Variants in LAMA1 observed in about 807,000 individuals in gnomAD.
The protein encoded by LAMA1 is laminin subunit alpha-1.
A neutral mutation model predicts 348.7 loss-of-function variants in LAMA1; 219 were observed. That is an observed-to-expected ratio of 0.63 (90% CI 0.56 to 0.70). The LOEUF is 0.70. Ranked by LOEUF, LAMA1 falls within the 30% of genes least tolerant of loss-of-function variation. LAMA1 has a pLI of 0.00. For missense variants in LAMA1, 3,744 were observed against 3,888.0 expected, an observed-to-expected ratio of 0.96 and a Z score of 0.99; for synonymous variants, 1,487 against 1,491.0, an observed-to-expected ratio of 1.00 and a Z score of 0.06.
chr18:7,103,504 C>T (rs2058299685), intron 1 of LAMA1, among the ~76,000 whole-genome samples: 1 of 151,672 alleles, frequency 6.6e-6, no homozygotes, highest in Non-Finnish European at 1.5e-5. Flanking sequence ...CTTCCTTGTT[C>T]CACCTTTAAA....
At chr18:7,093,592 T>C (rs892844254) in intron 1 of LAMA1, among the ~76,000 whole-genome samples, 4 of 152,118 alleles carry the variant, frequency 2.6e-5, no homozygotes, top group African/African-American at 9.7e-5. Context: ...TATGGTTCTC[T>C]GTGAGAGGTG....
chr18:7,013,233 G>C (rs369740000), intron 23 of LAMA1, among the ~76,000 whole-genome samples: 44 of 152,098 alleles, frequency 2.9e-4, no homozygotes, highest in South Asian at 2.7e-3. Context: ...ATGTACATGA[G>C]TTTTCCTTCC....
chr18:6,979,877 C>A (rs113406441), intron 42 of LAMA1, among the ~76,000 whole-genome samples: 24 of 152,234 alleles, frequency 1.6e-4, no homozygotes, highest in Middle Eastern at 6.8e-3. Flanking sequence ...CCAGCCTGGG[C>A]GACAGAGCGA....
At position 7,007,286 on chromosome 18, in the gene LAMA1, T is replaced by C; in HGVS notation, c.4123-10A>G. On this transcript the variant is annotated splice_polypyrimidine_tract_variant and intron_variant, in intron 28 of 62. Transcript: ENST00000389658. ...ACCCAGGGGCGCAGTCCTGAGGGGG[T>C]GCAAAAGGGAGGACAAAAAAGTCTG... The C allele has an allele frequency of 1.2e-6, 2 of 1,611,678 alleles. No individual in the cohort carries two copies. The highest frequency in any genetic ancestry group is 1.7e-6 in the Non-Finnish European group (2 of 1,178,604).
At chr18:7,005,746 G>GA (rs371802504) in intron 29 of LAMA1, among the ~76,000 whole-genome samples, 94 of 151,974 alleles carry the variant, frequency 6.2e-4, no homozygotes, top group African/African-American at 2.2e-3. Context: ...CCTCCATCTT[G>GA]AAAAAAATAA....
intron 25 of LAMA1, among the ~76,000 whole-genome samples, chr18:7,010,777 G>T (rs2057856105): frequency 6.6e-6 from 1 of 152,158 alleles, no homozygotes; most frequent in South Asian, 2.1e-4. Flanking sequence ...TCCAAGTGAT[G>T]CCTTTCATGA....
chr18:7,017,921 C>A (rs2057896458), intron 19 of LAMA1, among the ~76,000 whole-genome samples: 1 of 152,164 alleles, frequency 6.6e-6, no homozygotes, highest in South Asian at 2.1e-4. Flanking sequence ...TCTACAGTTA[C>A]AACATTGATG....
chr18:7,115,981 A>AC (rs2058354673), intron 1 of LAMA1, among the ~76,000 whole-genome samples: 1 of 152,052 alleles, frequency 6.6e-6, no homozygotes, highest in African/African-American at 2.4e-5. Flanking sequence ...AAAAAAAAAA[A>AC]TCAAAACTGC....
intron 35 of LAMA1, among the ~76,000 whole-genome samples, 168 bp downstream of exon 35, chr18:6,993,473 A>G (rs972456025): frequency 6.6e-6 from 1 of 152,238 alleles, no homozygotes; most frequent in Non-Finnish European, 1.5e-5. Context: ...TAAAACTCTC[A>G]GTCAAAGACT....
chr18:6,970,843 C>T (rs2057655170), intron 48 of LAMA1, among the ~76,000 whole-genome samples: 2 of 152,146 alleles, frequency 1.3e-5, no homozygotes, highest in South Asian at 4.1e-4. Flanking sequence ...GAACTCCTAA[C>T]CTCAGGTGAT....
chr18:6,971,681 A>AT (rs560454884), intron 48 of LAMA1, among the ~76,000 whole-genome samples, 176 bp downstream of exon 48: 27 of 151,326 alleles, frequency 1.8e-4, no homozygotes, highest in African/African-American at 5.1e-4. Flanking sequence ...ATGTCACAGG[A>AT]TTTTTTTTTG....
Position 7,032,988 on chromosome 18 carries a change from C to A in LAMA1, c.2159G>T (p.Cys720Phe). ...ACAGGAAGAGAGAAGCGTCACCTCA[C>A]AGGAGGTCCCTGTGTAGCCTTGCGG... ...ECPQGYTGTS[C>F]ESCLSGYYRV... Residue 720 changes from cysteine (C) to phenylalanine (F), a missense_variant, in exon 15 of 63, where the codon TGT becomes TTT. Physicochemically the swap from Cys to Phe is radical, Grantham distance 205. Transcript: ENST00000389658. 6.2e-7 allele frequency: 1 copy of A among 1,606,584 alleles called. No individual in the cohort carries two copies. The highest frequency in any genetic ancestry group is 8.5e-7 in the Non-Finnish European group (1 of 1,176,132).
At chr18:6,959,212 T>G (rs564317101) in intron 54 of LAMA1, 129 bp downstream of exon 54, 3 of 1,177,996 alleles carry the variant, frequency 2.5e-6, no homozygotes, top group Admixed American at 3.4e-5. Context: ...CCTAGCAAGG[T>G]TCTAGAATCG....
At position 6,971,897 on chromosome 18, in the gene LAMA1, A is replaced by G. The variant is rs765966942; in HGVS notation, c.6859T>C (p.Tyr2287His). Residue 2287 changes from tyrosine (Y) to histidine (H), a missense_variant, in exon 48 of 63, where the codon TAT becomes CAT. Physicochemically the swap from Tyr to His is moderately conservative, Grantham distance 83 (BLOSUM62 2). Around this residue, in one of 3 missense-constraint regions of LAMA1, gnomAD observed 1,983 missense variants for 1,934.3 expected, o/e 1.03. Transcript: ENST00000389658. ...LNGKSIGLWNYIEREGKCRGC... is the reference protein window; with the variant it reads ...LNGKSIGLWNHIEREGKCRGC... ...CGGCACTTGCCTTCCCTTTCAATAT[A>G]GTTCCATAGGCCTATGGATTTTCCA... 6.2e-7 allele frequency: 1 copy of G among 1,614,146 alleles called. No individual in the cohort carries two copies. The highest frequency in any genetic ancestry group is 1.1e-5 in the South Asian group (1 of 91,088).
chr18:7,044,916 T>C, intron 6 of LAMA1, 77 bp from the exon 7 acceptor site: 1 of 1,086,068 alleles, frequency 9.2e-7, no homozygotes, highest in East Asian at 2.4e-5. Flanking sequence ...AAAAAGAACC[T>C]ATCTGTCAAA....
At chr18:6,980,832 C>T (rs11659612) in intron 41 of LAMA1, among the ~76,000 whole-genome samples, 195 bp from the exon 42 acceptor site, 31,447 of 152,094 alleles carry the variant, frequency 0.21, 3,745 homozygotes, top group Non-Finnish European at 0.28. Context: ...CGATGGCTCA[C>T]GCCTGTAATC....
rs769685219 is a variant in LAMA1, at chr18:7,043,247, C to T, written c.1135G>A (p.Gly379Arg). The change falls in exon 8 of 63, where the codon GGA becomes AGA. Residue 379 changes from glycine to arginine, a missense_variant. By Grantham distance (125) the Gly-to-Arg change is moderately radical (BLOSUM62 -2). This residue lies in a region of LAMA1 where 1,529 missense variants were observed against 1,689.4 expected (regional missense o/e 0.91). Coordinates refer to ENST00000389658, the MANE Select transcript of LAMA1 (RefSeq NM_005559.4). ...MGINCETCID[G>R]YYRPHKVSPY... ...CTTACTTTGTGTGGTCTATAATATC[C>T]ATCAATACAGGTTTCACAGTTGATT... The T allele has an allele frequency of 6.2e-6, 10 of 1,613,966 alleles. No individual in the cohort carries two copies. The African/African-American group carries it at 1.2e-4, about 19-fold the overall frequency.
intron 12 of LAMA1, among the ~76,000 whole-genome samples, chr18:7,037,129 G>A (rs761430600): frequency 1.2e-4 from 19 of 152,126 alleles, no homozygotes; most frequent in African/African-American, 3.1e-4. Context: ...AGCCTGCCAC[G>A]GTACTCAAAG....
intron 54 of LAMA1, 103 bp downstream of exon 54, chr18:6,959,238 C>T: frequency 6.7e-7 from 1 of 1,481,852 alleles, no homozygotes; most frequent in Non-Finnish European, 9.4e-7. Flanking sequence ...ATGCCGATGA[C>T]CCCAGTCATC....
Sources: gnomAD v4.1 joint callset for allele counts (sites outside exome capture counted in the v4.1 genomes callset) on GRCh38, gnomAD v4.1.1 for gene constraint, gnomAD v4.1.1 regional missense constraint, MANE v1.5 for transcripts, NCBI Gene and HGNC (gene_info 2026-07-23, HGNC 2026-07-21) for gene names.